VNN2: variants seen among roughly 807,000 people sequenced by gnomAD.
VNN2 encodes pantetheine hydrolase VNN2.
VNN2 carries 43 observed loss-of-function variants against 43.0 expected under a neutral mutation model. The observed-to-expected ratio is 1.00, with a 90% confidence interval of 0.78 to 1.29. The LOEUF (loss-of-function observed/expected upper bound fraction) is 1.29. Among genes scored for constraint, VNN2 ranks in the 50% most tolerant of loss-of-function variants. VNN2 has a pLI of 0.00. For missense variants in VNN2, 652 were observed against 619.7 expected (o/e 1.05, Z -0.55); for synonymous variants, 230 against 224.3 (o/e 1.03, Z -0.23).
At chr6:132,762,120 CA>C (rs2114646676), upstream of VNN2, among the ~76,000 whole-genome samples, 1 of 152,270 alleles carries the variant, frequency 6.6e-6, no homozygotes, top group East Asian at 1.9e-4. Context: ...GGTACCTGGG[CA>C]TCAACTCCTG....
chr6:132,746,854 A>C (rs1215356368), intron 6 of VNN2, among the ~76,000 whole-genome samples: 1 of 152,140 alleles, frequency 6.6e-6, no homozygotes, highest in Non-Finnish European at 1.5e-5. Context: ...AAATTTGATT[A>C]GTATCTGTTC....
In VNN2 at chr6:132,744,488, G is replaced by T; in HGVS notation, c.1375C>A (p.Leu459Met). 1 of 1,568,466 alleles carries T rather than the reference G, an allele frequency of 6.4e-7. No individual in the cohort carries two copies. Among genetic ancestry groups the T allele is most frequent in the Non-Finnish European group, 8.6e-7 (1 of 1,162,816 alleles). The change falls in exon 7 of 7, where the codon CTG (leucine) becomes ATG (methionine). Residue 459 changes from leucine (L) to methionine (M), a missense_variant. Leu to Met is a conservative substitution (Grantham distance 15). Transcript: ENST00000326499. The stretch of plus-strand genomic sequence containing the variant: ...TTGTTTACCAAACGCCCATCTTTCA[G>T]CACCTAAAGAAAAGGTGGGAAAAGT... ...IHLSPGKFEV[L>M]KDGRLVNKNG...
At chr6:132,744,959 A>C (rs145987032) in intron 6 of VNN2, among the ~76,000 whole-genome samples, 288 of 152,142 alleles carry the variant, frequency 1.9e-3, no homozygotes, top group Middle Eastern at 6.8e-3. Flanking sequence ...GGAGTGGGAC[A>C]CAAGCTGCCA....
rs766395503 is a variant in VNN2, at chr6:132,757,889, A to G, written c.-6T>C. On this transcript the variant is annotated 5_prime_UTR_variant, in exon 1 of 7. Transcript: ENST00000326499. ...GGAAAAGAGGAAGTGACCATGGCCAAGGTTTAGTGATTTCTGAAAGCAAAA... is the reference window on the plus strand; with the variant it reads ...GGAAAAGAGGAAGTGACCATGGCCAGGGTTTAGTGATTTCTGAAAGCAAAA... 3 of 1,607,488 alleles carry G rather than the reference A, an allele frequency of 1.9e-6. No homozygotes were observed. In the African/African-American group the frequency reaches 4.0e-5, roughly 22 times the overall value.
chr6:132,755,285 C>G (rs1441058314), intron 3 of VNN2, among the ~76,000 whole-genome samples: 1 of 125,464 alleles, frequency 8.0e-6, no homozygotes, highest in Non-Finnish European at 1.6e-5. Flanking sequence ...CCTGGACCAT[C>G]ATGCTACTTT....
chr6:132,758,541 C>T (rs1780639186), upstream of VNN2, among the ~76,000 whole-genome samples: 1 of 152,076 alleles, frequency 6.6e-6, no homozygotes, highest in African/African-American at 2.4e-5. Flanking sequence ...AAACTCATAA[C>T]TAACTCTCGT....
At chr6:132,745,720 A>C (rs1241050986) in intron 6 of VNN2, among the ~76,000 whole-genome samples, 3 of 152,232 alleles carry the variant, frequency 2.0e-5, no homozygotes, top group Non-Finnish European at 4.4e-5. Flanking sequence ...CAGACTGTGA[A>C]AGGCATTAAT....
At chr6:132,752,196 T>G (rs1411536331) in intron 4 of VNN2, among the ~76,000 whole-genome samples, 2 of 152,212 alleles carry the variant, frequency 1.3e-5, no homozygotes, top group East Asian at 3.8e-4. Flanking sequence ...TTGCACTCTC[T>G]GTATGTCAAT....
chr6:132,750,334 A>G (rs537085167), intron 5 of VNN2, among the ~76,000 whole-genome samples: 1 of 151,964 alleles, frequency 6.6e-6, no homozygotes, highest in South Asian at 2.1e-4. Context: ...CATCTTTAAA[A>G]TTTGTCATTT....
upstream of VNN2, chr6:132,758,038 T>TA: frequency 5.4e-6 from 1 of 183,738 alleles, no homozygotes; most frequent in Non-Finnish European, 8.5e-6. Flanking sequence ...TTCTTCTTCT[T>TA]CTTTTTTTTT....
rs750028257 is a variant in VNN2 at position 132,755,968 on chromosome 6, C to A, written c.412G>T (p.Ala138Ser). The change falls in exon 3 of 7, where the codon GCA becomes TCA. Residue 138 changes from alanine (A) to serine (S), a missense_variant. Coordinates refer to ENST00000326499, the MANE Select transcript of VNN2 (RefSeq NM_004665.6). ...LAKDNSIYVL[A>S]NLGDKKPCNS... ...CATGGCTTTTTGTCCCCCAAATTTG[C>A]CAAGACATAGATAGAGTTGTCCTTG... 1 of 1,614,104 alleles carries A rather than the reference C, an allele frequency of 6.2e-7. No homozygotes were observed. Among genetic ancestry groups the A allele is most frequent in the South Asian group, 1.1e-5 (1 of 91,076 alleles).
chr6:132,760,603 C>A (rs1296405832), upstream of VNN2: 1 of 151,452 alleles, frequency 6.6e-6, no homozygotes, highest in African/African-American at 2.4e-5. Context: ...TCTTCCATCT[C>A]CATAAGTACA....
At chr6:132,759,450 A>AAAAC (rs1330213177), upstream of VNN2, among the ~76,000 whole-genome samples, 34 of 151,206 alleles carry the variant, frequency 2.2e-4, no homozygotes, top group Non-Finnish European at 8.9e-5. Flanking sequence ...AAAAAAAAAA[A>AAAAC]AAAAAAAAAA....
rs767874320 is a variant in VNN2, at chr6:132,749,792, C to T, written c.1274G>A (p.Arg425Lys). The change falls in exon 6 of 7, where the codon AGA (arginine) becomes AAA (lysine). Residue 425 changes from arginine to lysine, a missense_variant. Arg to Lys is a conservative substitution (Grantham distance 26). Coordinates refer to ENST00000326499, the MANE Select transcript of VNN2 (RefSeq NM_004665.6). ...CGRPVETAST[R>K]FEMFSLSGTF... ...GCCACTGAGGGAGAACATTTCAAAT[C>T]TTGTAGAAGCAGTTTCTACTGGCCG... 6.2e-7 allele frequency: 1 copy of T among 1,614,106 alleles called. No homozygotes were observed. Among genetic ancestry groups the T allele is most frequent in the South Asian group, 1.1e-5 (1 of 91,076 alleles).
rs1473764390 is a variant in VNN2 at position 132,751,068 on chromosome 6, T to C, written c.1200+77A>G. ...AGTCAAGCCAAGGAAAAGCACCTGG[T>C]TTTCTGGAACAAATATAAAAAGTTA... is the stretch of plus-strand genomic sequence containing the variant. On this transcript the variant is annotated intron_variant, in intron 5 of 6. Transcript: ENST00000326499. 5.3e-6 allele frequency: 8 copies of C among 1,515,108 alleles called. No individual in the cohort carries two copies. The Admixed American group carries it at 1.4e-4, about 26-fold the overall frequency. 93.9% of individuals were successfully genotyped at this position (1,515,108 alleles called of 1,614,324 possible). A position where few individuals can be genotyped will look rare whatever the true frequency, so the allele number is the denominator to read the frequency against.
rs1343945978 is a variant in VNN2 at position 132,743,930 on chromosome 6, A to T, written c.*370T>A. 1 of 157,718 alleles carries T rather than the reference A, an allele frequency of 6.3e-6. No individual in the cohort carries two copies. Among genetic ancestry groups the T allele is most frequent in the Non-Finnish European group, 1.4e-5 (1 of 72,018 alleles). 9.8% of individuals were successfully genotyped at this position (157,718 alleles called of 1,614,324 possible). ...AGTCATAAACCTCTAAATTCCCATC[A>T]TTACTATTCTCTTCAAGGGCACAGC... On this transcript the variant is annotated 3_prime_UTR_variant, in exon 7 of 7. Transcript: ENST00000326499.
At chr6:132,752,429 A>T in intron 4 of VNN2, 32 bp downstream of exon 4, 1 of 1,573,494 alleles carries the variant, frequency 6.4e-7, no homozygotes, top group Non-Finnish European at 8.6e-7. Context: ...ACTTAAAAAT[A>T]TAAGATGAAA....
intron 6 of VNN2, among the ~76,000 whole-genome samples, chr6:132,747,644 TA>T (rs1020285851): frequency 1.8e-4 from 27 of 152,256 alleles, no homozygotes; most frequent in Admixed American, 8.5e-4. Context: ...AAAAATAATT[TA>T]AAAAAATGTT....
intron 6 of VNN2, among the ~76,000 whole-genome samples, chr6:132,747,923 A>AT (rs1457985305): frequency 3.3e-5 from 5 of 152,094 alleles, no homozygotes; most frequent in African/African-American, 1.2e-4. Context: ...AAACTCTAGC[A>AT]TTTTTTTGTC....
Sources: gnomAD v4.1 joint callset for allele counts (sites outside exome capture counted in the v4.1 genomes callset) on GRCh38, gnomAD v4.1.1 for gene constraint, MANE v1.5 for transcripts, NCBI Gene and HGNC (gene_info 2026-07-23, HGNC 2026-07-21) for gene names.